The following ADGRD1 variants were observed in gnomAD, a reference collection of about 807,000 sequenced individuals.
ADGRD1 encodes the protein adhesion G protein-coupled receptor D1, also known as G-protein coupled receptor 133.
Under a neutral mutation model 113.4 loss-of-function variants are expected in ADGRD1, and 77 were observed. The observed-to-expected ratio is 0.68, with a 90% CI of 0.57 to 0.82. The LOEUF (loss-of-function observed/expected upper bound fraction) is 0.82, where lower values mean the gene tolerates loss of function less well. Ranked by LOEUF, ADGRD1 falls within the 40% of genes least tolerant of loss-of-function variation. ADGRD1 has a pLI of 0.00. For missense variants in ADGRD1, 1,036 were observed against 1,139.1 expected, an observed-to-expected ratio of 0.91 and a Z score of 1.30; for synonymous variants, 474 against 475.0, an observed-to-expected ratio of 1.00 and a Z score of 0.03.
In ADGRD1 at chr12:131,060,139, T is replaced by A. The variant is rs1243072476; in HGVS notation, c.1474-16662T>A. Among the ~76,000 whole-genome samples the A allele has an allele frequency of 6.6e-6, 1 of 152,270 alleles. No individual in the cohort carries two copies. Among genetic ancestry groups the A allele is most frequent in the African/African-American group, 2.4e-5 (1 of 41,478 alleles). On this transcript the variant is annotated intron_variant, in intron 13 of 24. Transcript: ENST00000261654. This position sits in a 1 kb window ranked among gnomAD's most constrained non-coding sequence, Gnocchi z 4.4. ...TGAGGGCTGGGTGCCGCATGGCTAC[T>A]GGGTTCCCCCAGGGCTCTGCTGATG...
At chr12:131,045,497 G>C (rs1312199366) in intron 13 of ADGRD1, among the ~76,000 whole-genome samples, 1 of 112,426 alleles carries the variant, frequency 8.9e-6, no homozygotes, top group Non-Finnish European at 1.8e-5. Flanking sequence ...GGGCAGTGCT[G>C]TACAGGGACC....
At chr12:131,029,053 G>T (rs147766977) in intron 13 of ADGRD1, among the ~76,000 whole-genome samples, 2 of 152,202 alleles carry the variant, frequency 1.3e-5, no homozygotes, top group Admixed American at 6.5e-5. Context: ...TCATAGCTGC[G>T]TAGCTTTGGT....
chr12:130,982,498 C>T (rs1337377146), intron 5 of ADGRD1, among the ~76,000 whole-genome samples: 4 of 152,228 alleles, frequency 2.6e-5, no homozygotes, highest in African/African-American at 9.6e-5. Flanking sequence ...TCCTTTTTCT[C>T]TCACAGTCTT....
chr12:131,043,544 G>T (rs895343504), intron 13 of ADGRD1, among the ~76,000 whole-genome samples: 1 of 152,250 alleles, frequency 6.6e-6, no homozygotes, highest in South Asian at 2.1e-4. Flanking sequence ...TGCAGGCTGC[G>T]TGTGGGCAGG....
chr12:131,105,763 C>A lies in ADGRD1; in HGVS notation c.1785C>A (p.Ser595Arg). 1 of 1,600,938 alleles carries A rather than the reference C, an allele frequency of 6.2e-7. No homozygotes were observed. Among genetic ancestry groups the A allele is most frequent in the East Asian group, 2.2e-5 (1 of 44,876 alleles). ...CTGCCTCTGTCCTCAGCTCCGTGAG[C>A]ACCATCCGGAACCAGCGCTACCACA... ...LVTFAVLSSVSTIRNQRYHIH... is the reference protein window; with the variant it reads ...LVTFAVLSSVRTIRNQRYHIH... Residue 595 changes from serine to arginine, a missense_variant, in exon 17 of 25, where the codon AGC becomes AGA. Coordinates refer to ENST00000261654, the MANE Select transcript of ADGRD1 (RefSeq NM_198827.5).
At chr12:131,061,230 G>T (rs1884298323) in intron 13 of ADGRD1, among the ~76,000 whole-genome samples, 2 of 152,234 alleles carry the variant, frequency 1.3e-5, no homozygotes, top group Non-Finnish European at 2.9e-5. Flanking sequence ...CAGGCTGGGA[G>T]TATGCCTTGA....
rs1238344287 is a variant in ADGRD1 at position 131,134,716 on chromosome 12, A to C, written c.2268-1321A>C. 3.9e-5 allele frequency among the ~76,000 whole-genome samples: 6 copies of C among 152,254 alleles called. No individual in the cohort carries two copies. In the East Asian group the frequency reaches 9.6e-4, roughly 24 times the overall value. On this transcript the variant is annotated intron_variant, in intron 21 of 24. Coordinates refer to ENST00000261654, the MANE Select transcript of ADGRD1 (RefSeq NM_198827.5). ...TCTTGGTCTCTTGACAAGGAAGCTC[A>C]TTATGGCCGCATCTCACCTCCTCCG...
intron 6 of ADGRD1, chr12:130,989,827 C>T (rs1593305133): frequency 6.6e-6 from 1 of 152,310 alleles, no homozygotes; most frequent in Admixed American, 6.5e-5. Context: ...CCGTCTGTCA[C>T]CCTGGCCAGG....
chr12:131,086,368 A>G (rs1389622698), intron 15 of ADGRD1, among the ~76,000 whole-genome samples: 1 of 152,144 alleles, frequency 6.6e-6, no homozygotes, highest in African/African-American at 2.4e-5. Flanking sequence ...AAGAGGGCCC[A>G]GGAATGCAGC....
chr12:131,096,440 C>G lies in ADGRD1; in HGVS notation c.1672-8391C>G, dbSNP rs1477451023. On this transcript the variant is annotated intron_variant, in intron 15 of 24. Coordinates refer to ENST00000261654, the MANE Select transcript of ADGRD1 (RefSeq NM_198827.5). The surrounding 1 kb of genome is among the most constrained non-coding windows in gnomAD (Gnocchi z 5.2). ...TAGCACACTTTAAAAAATGTATGCA[C>G]GTATCTTGGAGGTTGCTCCTTCTCA... Among the ~76,000 whole-genome samples, 2 of 152,168 alleles carry G rather than the reference C, an allele frequency of 1.3e-5. No homozygotes were observed. The highest frequency in any genetic ancestry group is 2.9e-5 in the Non-Finnish European group (2 of 68,034).
chr12:131,117,095 C>T (rs1382767047), intron 18 of ADGRD1, among the ~76,000 whole-genome samples: 1 of 152,194 alleles, frequency 6.6e-6, no homozygotes, highest in Non-Finnish European at 1.5e-5. Context: ...AAAGTAGAGG[C>T]CAGTTCAGAT....
rs1328061391 is a variant in ADGRD1, at chr12:131,098,136, G to A, written c.1672-6695G>A. 2.1e-5 allele frequency among the ~76,000 whole-genome samples: 3 copies of A among 144,450 alleles called. 1 individual carries two copies. The highest frequency in any genetic ancestry group is 4.7e-5 in the Non-Finnish European group (3 of 64,156). 94.8% of individuals were successfully genotyped at this position (144,450 alleles called of 152,430 possible). Reference sequence around the variant, plus strand: ...GTCCCCTCTCCCACTGTCCTCCCGCGGTGGCCGCTGTCTGGGCCTCACTTC... The same window carrying A: ...GTCCCCTCTCCCACTGTCCTCCCGCAGTGGCCGCTGTCTGGGCCTCACTTC... On this transcript the variant is annotated intron_variant, in intron 15 of 24. Coordinates refer to ENST00000261654, the MANE Select transcript of ADGRD1 (RefSeq NM_198827.5).
intron 13 of ADGRD1, chr12:131,026,467 C>T (rs1409571888): frequency 1.3e-5 from 2 of 152,262 alleles, no homozygotes; most frequent in Non-Finnish European, 2.9e-5. Context: ...CGCGTGGAGC[C>T]GAGCTCCGGA....
chr12:131,120,929 T>G lies in ADGRD1; in HGVS notation c.2175+16T>G. 2 of 1,612,260 alleles carry G rather than the reference T, an allele frequency of 1.2e-6. No individual in the cohort carries two copies. The highest frequency in any genetic ancestry group is 2.2e-5 in the South Asian group (2 of 90,904). ...TGTCATCGTGGTACGTTTCCTACCC[T>G]TGTGGGCGCAGAGCGGGGCTGGGGA... On this transcript the variant is annotated intron_variant, in intron 20 of 24. Transcript: ENST00000261654.
rs1020220650 is a variant in ADGRD1 at position 130,966,031 on chromosome 12, G to A, written c.104-432G>A. Among the ~76,000 whole-genome samples the A allele has an allele frequency of 6.6e-6, 1 of 152,200 alleles. No individual in the cohort carries two copies. The highest frequency in any genetic ancestry group is 2.4e-5 in the African/African-American group (1 of 41,452). ...CCTCAGTGTCTGGCATACCATTCATGTTAGTTTTCTCCTCTTTTAAAATGA... is the reference window on the plus strand; with the variant it reads ...CCTCAGTGTCTGGCATACCATTCATATTAGTTTTCTCCTCTTTTAAAATGA... On this transcript the variant is annotated intron_variant, in intron 2 of 24. Coordinates refer to ENST00000261654, the MANE Select transcript of ADGRD1 (RefSeq NM_198827.5). The surrounding 1 kb of genome is among the most constrained non-coding windows in gnomAD (Gnocchi z 4.6).
At chr12:131,034,765 G>A (rs546900398) in intron 13 of ADGRD1, among the ~76,000 whole-genome samples, 2 of 152,276 alleles carry the variant, frequency 1.3e-5, no homozygotes, top group Admixed American at 1.3e-4. Flanking sequence ...TCTGGAGAAG[G>A]TGGCTCTACC....
chr12:131,136,007 C>T, intron 21 of ADGRD1, 30 bp from the exon 22 acceptor site: 1 of 1,613,462 alleles, frequency 6.2e-7, no homozygotes, highest in Non-Finnish European at 8.5e-7. Context: ...CCTCCTGCCA[C>T]TCAGGGTGAC....
At chr12:131,017,090 G>A (rs1269413825) in intron 13 of ADGRD1, among the ~76,000 whole-genome samples, 1 of 152,030 alleles carries the variant, frequency 6.6e-6, no homozygotes, top group East Asian at 1.9e-4. Context: ...GGAGAGGGGA[G>A]GGCACGGGCA....
rs1182041373 is a variant in ADGRD1 at position 131,139,843 on chromosome 12, A to G, written c.*580A>G. On this transcript the variant is annotated 3_prime_UTR_variant, in exon 25 of 25. Coordinates refer to ENST00000261654, the MANE Select transcript of ADGRD1 (RefSeq NM_198827.5). Reference sequence around the variant, plus strand: ...TCTGTAGGTGGTGCCGGCGTGGGCCAACCTGTGCTGTGTCATCAGTTGGGG... The same window carrying G: ...TCTGTAGGTGGTGCCGGCGTGGGCCGACCTGTGCTGTGTCATCAGTTGGGG... The G allele has an allele frequency of 6.5e-6, 1 of 153,128 alleles. No homozygotes were observed. Among genetic ancestry groups the G allele is most frequent in the Non-Finnish European group, 1.5e-5 (1 of 68,706 alleles). 9.5% of individuals were successfully genotyped at this position (153,128 alleles called of 1,614,324 possible).
Sources: allele counts gnomAD v4.1 joint callset (sites outside exome capture counted in the v4.1 genomes callset), GRCh38; gene constraint gnomAD v4.1.1; non-coding constraint Gnocchi (gnomAD v3.1); transcripts MANE v1.5; gene names NCBI Gene and HGNC (gene_info 2026-07-23, HGNC 2026-07-21).